The following BPIFC variants were observed in gnomAD, a reference collection of about 807,000 sequenced individuals.
BPIFC encodes BPI fold containing family C, also known as BPI fold-containing family C protein.
BPIFC carries 60 observed loss-of-function variants against 57.6 expected under a neutral mutation model. The observed-to-expected ratio is 1.04, with a 90% CI of 0.85 to 1.29. The LOEUF (loss-of-function observed/expected upper bound fraction) is 1.29, where lower values mean the gene tolerates loss of function less well. Ranked by LOEUF, BPIFC falls within the 50% of genes most tolerant of loss-of-function variation. BPIFC has a pLI of 0.00. For synonymous variants in BPIFC, 243 were observed against 224.5 expected, an observed-to-expected ratio of 1.08 and a Z score of -0.74; for missense variants, 581 against 600.5, an observed-to-expected ratio of 0.97 and a Z score of 0.34.
chr22:32,446,256 C>T (rs778831919), intron 5 of BPIFC, among the ~76,000 whole-genome samples: 14 of 152,202 alleles, frequency 9.2e-5, no homozygotes, highest in Admixed American at 2.6e-4. Context: ...CTGGCCCTGG[C>T]AGCGAGTGAG....
chr22:32,419,376 G>C lies in BPIFC; in HGVS notation c.1246C>G (p.Arg416Gly). Reference sequence around the variant, plus strand: ...CAGATTCCTACCTCAATGTTGCTGCGATTGGACTCTGGCAAAGCAAGGCGG... The same window carrying C: ...CAGATTCCTACCTCAATGTTGCTGCCATTGGACTCTGGCAAAGCAAGGCGG... ...RFRLALPESN[R>G]SNIEVLRFEN... is the part of the protein sequence containing the mutation. Residue 416 changes from arginine to glycine, a missense_variant, in exon 14 of 17, where the codon CGC becomes GGC. Arg to Gly is a moderately radical substitution (Grantham distance 125). Coordinates refer to ENST00000300399, the MANE Select transcript of BPIFC (RefSeq NM_174932.3). 1 of 1,613,784 alleles carries C rather than the reference G, an allele frequency of 6.2e-7. No homozygotes were observed. Among genetic ancestry groups the C allele is most frequent in the South Asian group, 1.1e-5 (1 of 91,044 alleles).
chr22:32,436,355 G>GGAGGAA (rs1934395100), intron 9 of BPIFC, among the ~76,000 whole-genome samples: 4 of 79,644 alleles, frequency 5.0e-5, no homozygotes, highest in Non-Finnish European at 7.0e-5. Flanking sequence ...AAGAGGAGGA[G>GGAGGAA]GAGGAGGAGG....
intron 8 of BPIFC, among the ~76,000 whole-genome samples, chr22:32,440,167 T>C (rs1176994494): frequency 6.6e-6 from 1 of 152,204 alleles, no homozygotes; most frequent in East Asian, 1.9e-4. Flanking sequence ...GATCTCACTT[T>C]GTCACCTAGA....
chr22:32,447,831 A>T (rs1025567787), intron 4 of BPIFC, among the ~76,000 whole-genome samples: 2 of 150,568 alleles, frequency 1.3e-5, no homozygotes, highest in Admixed American at 6.6e-5. Flanking sequence ...CTGGTCTTGA[A>T]CTCCTGGCCT....
chr22:32,416,075 C>G, intron 15 of BPIFC, 84 bp from the exon 16 acceptor site: 1 of 630,042 alleles, frequency 1.6e-6, no homozygotes, highest in Non-Finnish European at 2.4e-6. Flanking sequence ...TGACTGACAG[C>G]TTGCTTTTTT....
intron 4 of BPIFC, among the ~76,000 whole-genome samples, chr22:32,449,378 A>C (rs1473687553): frequency 6.6e-6 from 1 of 152,244 alleles, no homozygotes; most frequent in Admixed American, 6.5e-5. Context: ...GTGAATGAAG[A>C]TGAAGAAAAA....
chr22:32,417,320 T>A (rs1933710549), intron 14 of BPIFC, among the ~76,000 whole-genome samples, 172 bp from the exon 15 acceptor site: 1 of 151,290 alleles, frequency 6.6e-6, no homozygotes, highest in Non-Finnish European at 1.5e-5. Context: ...GGACTACAAG[T>A]GTGCACCACT....
In BPIFC at chr22:32,415,993, T is replaced by C. The variant is rs1933662275; in HGVS notation, c.1325-2A>G. 1.3e-6 allele frequency: 2 copies of C among 1,575,146 alleles called. No individual in the cohort carries two copies. The highest frequency in any genetic ancestry group is 1.7e-6 in the Non-Finnish European group (2 of 1,159,444). ...GAGGAAATCCTTGCTGCAATTTTGC[T>C]AAAATATAGAACAAGACGTAAAACA... On this transcript the variant is annotated splice_acceptor_variant, in intron 15 of 16. Coordinates refer to ENST00000300399, the MANE Select transcript of BPIFC (RefSeq NM_174932.3). LOFTEE classifies it high-confidence loss of function.
intron 13 of BPIFC, among the ~76,000 whole-genome samples, chr22:32,428,907 A>C (rs958248578): frequency 7.2e-5 from 11 of 152,246 alleles, no homozygotes; most frequent in East Asian, 5.8e-4. Flanking sequence ...TCAAAAAAAA[A>C]CAAAATTATA....
intron 16 of BPIFC, among the ~76,000 whole-genome samples, chr22:32,415,123 G>A (rs977844830): frequency 3.9e-5 from 6 of 152,190 alleles, no homozygotes; most frequent in African/African-American, 1.2e-4. Context: ...CATAAGGAGC[G>A]TGCAACCTAA....
chr22:32,455,051 ATTTTTTT>A (rs58029060), intron 3 of BPIFC, among the ~76,000 whole-genome samples: 5 of 130,738 alleles, frequency 3.8e-5, no homozygotes, highest in African/African-American at 1.5e-4. Context: ...TTTCATCTCC[ATTTTTTT>A]TTTTTTTTTT....
chr22:32,437,772 G>A lies in BPIFC; in HGVS notation c.735C>T (p.Asp245=), dbSNP rs1026254325. The A allele has an allele frequency of 1.9e-6, 3 of 1,601,136 alleles. 1 individual carries two copies. Among genetic ancestry groups the A allele is most frequent in the Admixed American group, 3.3e-5 (2 of 59,982 alleles). ...ATGATAAAGTTACCTTCAAGTTCAG[G>A]TCAAGGTAGTTCTCAGTAATTTCTG... The part of the protein sequence containing the change: ...SSPEITENYL[D]LNLKGVFYPL... Residue 245 remains aspartate, a synonymous_variant, in exon 9 of 17, where the codon GAC becomes GAT. Transcript: ENST00000300399.
At chr22:32,447,123 AT>A (rs1224850709) in intron 5 of BPIFC, 88 bp downstream of exon 5, 1 of 1,414,246 alleles carries the variant, frequency 7.1e-7, no homozygotes, top group Non-Finnish European at 9.3e-7. Context: ...AAAGAAGCCT[AT>A]TGCCAAAAAC....
At chr22:32,424,068 A>G (rs565025090) in intron 13 of BPIFC, among the ~76,000 whole-genome samples, 21 of 152,200 alleles carry the variant, frequency 1.4e-4, no homozygotes, top group Admixed American at 9.2e-4. Context: ...ACTAGGAACA[A>G]ATATTTCTGG....
At chr22:32,457,830 C>T (rs1236532194) in intron 2 of BPIFC, among the ~76,000 whole-genome samples, 4 of 152,180 alleles carry the variant, frequency 2.6e-5, no homozygotes, top group Admixed American at 2.0e-4. Context: ...ACTCTGGGAT[C>T]CCACCACACT....
chr22:32,434,237 T>A (rs961687018), intron 10 of BPIFC, among the ~76,000 whole-genome samples: 1 of 141,708 alleles, frequency 7.1e-6, no homozygotes, highest in Non-Finnish European at 1.5e-5. Context: ...TATTCTTTAT[T>A]TATATATATT....
At chr22:32,444,986 A>G (rs921172140) in intron 7 of BPIFC, among the ~76,000 whole-genome samples, 1 of 152,206 alleles carries the variant, frequency 6.6e-6, no homozygotes, top group South Asian at 2.1e-4. Context: ...ATCCTAGTCC[A>G]TGGCAGCTGA....
intron 13 of BPIFC, among the ~76,000 whole-genome samples, chr22:32,427,933 G>C (rs1934113343): frequency 6.6e-6 from 1 of 152,186 alleles, no homozygotes; most frequent in Admixed American, 6.5e-5. Flanking sequence ...GTTGCAGTAA[G>C]CCCAGATCGT....
chr22:32,432,940 T>C (rs900556475), intron 11 of BPIFC, among the ~76,000 whole-genome samples: 1 of 152,168 alleles, frequency 6.6e-6, no homozygotes, highest in African/African-American at 2.4e-5. Context: ...CAGTGGCTCA[T>C]GCCTGTAATC....
Sources: allele counts gnomAD v4.1 joint callset (sites outside exome capture counted in the v4.1 genomes callset), GRCh38; gene constraint gnomAD v4.1.1; transcripts MANE v1.5; gene names NCBI Gene and HGNC (gene_info 2026-07-23, HGNC 2026-07-21).